GRM8: variants seen among roughly 807,000 people sequenced by gnomAD.
GRM8 encodes the protein metabotropic glutamate receptor 8.
In GRM8, 47 loss-of-function variants were observed where a neutral mutation model predicts 87.2. That is an observed-to-expected ratio of 0.54 (90% CI 0.43 to 0.69). The LOEUF (loss-of-function observed/expected upper bound fraction) is 0.69, where lower values mean the gene tolerates loss of function less well. Ranked by LOEUF, GRM8 falls within the 30% of genes least tolerant of loss-of-function variation. GRM8 has a pLI of 0.00. For missense variants in GRM8, 1,019 were observed against 1,139.2 expected (o/e 0.89, Z 1.52); for synonymous variants, 396 against 404.5 (o/e 0.98, Z 0.25).
At chr7:126,638,578 A>G (rs1802075786) in intron 7 of GRM8, among the ~76,000 whole-genome samples, 1 of 152,178 alleles carries the variant, frequency 6.6e-6, no homozygotes, top group Non-Finnish European at 1.5e-5. Context: ...CTGGGTGGAC[A>G]TGTATTGTAG....
At chr7:127,099,451 C>T (rs1050011857) in intron 3 of GRM8, among the ~76,000 whole-genome samples, 5 of 152,268 alleles carry the variant, frequency 3.3e-5, no homozygotes, top group Middle Eastern at 3.4e-3. Flanking sequence ...CAGGTACACA[C>T]CTATGTTGGC....
intron 2 of GRM8, among the ~76,000 whole-genome samples, chr7:127,145,051 A>C (rs1336725982): frequency 6.6e-6 from 1 of 152,166 alleles, no homozygotes; most frequent in East Asian, 1.9e-4. Context: ...GGCTTTTGTC[A>C]AAAAGTCAAC....
At chr7:126,886,171 C>T (rs1383301349) in intron 6 of GRM8, among the ~76,000 whole-genome samples, 2 of 152,088 alleles carry the variant, frequency 1.3e-5, no homozygotes, top group East Asian at 3.9e-4. Flanking sequence ...TACATACTAA[C>T]ATGCACTGAA....
At chr7:126,823,111 A>G (rs1475812933) in intron 6 of GRM8, among the ~76,000 whole-genome samples, 1 of 152,238 alleles carries the variant, frequency 6.6e-6, no homozygotes, top group Non-Finnish European at 1.5e-5. Flanking sequence ...AGAATGTCAT[A>G]TGGTCTTTGA....
chr7:126,889,038 G>T (rs959822517), intron 6 of GRM8, among the ~76,000 whole-genome samples: 1 of 152,092 alleles, frequency 6.6e-6, no homozygotes, highest in African/African-American at 2.4e-5. Flanking sequence ...TCGGCCCACC[G>T]TTGGGGTGTA....
chr7:126,851,711 C>T (rs950460361), intron 6 of GRM8, among the ~76,000 whole-genome samples: 1 of 152,108 alleles, frequency 6.6e-6, no homozygotes, highest in Non-Finnish European at 1.5e-5. Context: ...CTCCATTCCC[C>T]CAGGGTTTTA....
intron 2 of GRM8, among the ~76,000 whole-genome samples, chr7:127,114,740 A>G (rs912622585): frequency 6.6e-6 from 1 of 152,190 alleles, no homozygotes; most frequent in African/African-American, 2.4e-5. Flanking sequence ...GAAAGTATAA[A>G]TATATATTAC....
chr7:126,866,096 T>C (rs1798568372), intron 6 of GRM8, among the ~76,000 whole-genome samples: 1 of 152,248 alleles, frequency 6.6e-6, no homozygotes, highest in Non-Finnish European at 1.5e-5. Flanking sequence ...ACTCGTTATC[T>C]GTCTTTTTTA....
intron 6 of GRM8, among the ~76,000 whole-genome samples, chr7:126,775,127 A>G (rs1315047706): frequency 7.9e-5 from 12 of 152,148 alleles, no homozygotes; most frequent in Non-Finnish European, 1.5e-5. Context: ...AGTATTTTTT[A>G]AAGTTTCTCC....
chr7:126,918,234 T>C (rs1225023803), intron 3 of GRM8, among the ~76,000 whole-genome samples: 4 of 152,196 alleles, frequency 2.6e-5, no homozygotes, highest in Non-Finnish European at 5.9e-5. Context: ...TACATTGATA[T>C]GCATCAGAAT....
chr7:127,234,721 G>A (rs1465678380), intron 2 of GRM8, among the ~76,000 whole-genome samples: 1 of 152,150 alleles, frequency 6.6e-6, no homozygotes, highest in African/African-American at 2.4e-5. Context: ...CTCTGCAGGT[G>A]GGCTCAGGAA....
intron 8 of GRM8, among the ~76,000 whole-genome samples, chr7:126,587,597 A>C (rs1368372568): frequency 6.6e-6 from 1 of 150,664 alleles, no homozygotes; most frequent in African/African-American, 2.4e-5. Flanking sequence ...CAAACACCGC[A>C]TATTCTCACT....
chr7:126,453,639 T>C (rs1802894601), intron 9 of GRM8, among the ~76,000 whole-genome samples: 1 of 151,806 alleles, frequency 6.6e-6, no homozygotes, highest in Non-Finnish European at 1.5e-5. Flanking sequence ...AGAAAATCTA[T>C]CTGATTTACA....
intron 7 of GRM8, among the ~76,000 whole-genome samples, chr7:126,711,579 T>C (rs1811098148): frequency 6.6e-6 from 1 of 152,236 alleles, no homozygotes; most frequent in African/African-American, 2.4e-5. Context: ...AGAGTCAGAC[T>C]GTCTTTTGAA....
At chr7:126,687,938 T>C (rs998114501) in intron 7 of GRM8, among the ~76,000 whole-genome samples, 8 of 152,160 alleles carry the variant, frequency 5.3e-5, no homozygotes, top group Non-Finnish European at 8.8e-5. Context: ...AGTAAGTCCA[T>C]GTTCAAATCA....
chr7:127,031,249 TC>T (rs1271961237), intron 3 of GRM8, among the ~76,000 whole-genome samples: 9 of 152,178 alleles, frequency 5.9e-5, no homozygotes, highest in African/African-American at 2.2e-4. Context: ...CTACATTTCT[TC>T]CTTTTGTTTT....
intron 2 of GRM8, among the ~76,000 whole-genome samples, chr7:127,210,170 G>A (rs1238361324): frequency 6.6e-6 from 1 of 152,166 alleles, no homozygotes; most frequent in Non-Finnish European, 1.5e-5. Flanking sequence ...CTCAATGCCT[G>A]GATTATGAGG....
chr7:126,968,353 G>A (rs1810080108), intron 3 of GRM8, among the ~76,000 whole-genome samples: 1 of 152,024 alleles, frequency 6.6e-6, no homozygotes, highest in Non-Finnish European at 1.5e-5. Context: ...AAGTACTTTT[G>A]CCTCTTCCTC....
At chr7:126,523,386 T>G (rs1813289724) in intron 9 of GRM8, among the ~76,000 whole-genome samples, 1 of 152,186 alleles carries the variant, frequency 6.6e-6, no homozygotes, top group South Asian at 2.1e-4. Flanking sequence ...TGTACTCATA[T>G]CTCTTGAGTT....
Sources: gnomAD v4.1 joint callset for allele counts (sites outside exome capture counted in the v4.1 genomes callset) on GRCh38, gnomAD v4.1.1 for gene constraint, MANE v1.5 for transcripts, NCBI Gene and HGNC (gene_info 2026-07-23, HGNC 2026-07-21) for gene names.